The following GSG1L variants were observed in gnomAD, a reference collection of about 807,000 sequenced individuals.
GSG1L encodes the protein GSG1 like.
In GSG1L, 24 loss-of-function variants were observed where a neutral mutation model predicts 42.1. The observed-to-expected ratio is 0.57, with a 90% CI of 0.41 to 0.80. The LOEUF is 0.80. Among genes scored for constraint, GSG1L ranks in the 30% least tolerant of loss-of-function variants. GSG1L has a pLI of 0.00. For synonymous variants in GSG1L, 215 were observed against 203.5 expected (o/e 1.06, Z -0.48); for missense variants, 445 against 472.2 (o/e 0.94, Z 0.53).
rs183457638 is a variant in GSG1L at position 27,859,523 on chromosome 16, C to T, written c.551-14462G>A. ...GGCAGAGAGGGCAGGGCCCTGGCAG[C>T]CCAGGGCATCTCATGCGTCTCACTG... On this transcript the variant is annotated intron_variant, in intron 3 of 6. Transcript: ENST00000447459. Among the ~76,000 whole-genome samples, 3 of 152,334 alleles carry T rather than the reference C, an allele frequency of 2.0e-5. No homozygotes were observed. In the East Asian group the frequency reaches 5.8e-4, roughly 29 times the overall value.
intron 3 of GSG1L, among the ~76,000 whole-genome samples, chr16:27,853,356 C>T (rs937833867): frequency 3.3e-5 from 5 of 152,110 alleles, no homozygotes; most frequent in African/African-American, 9.7e-5. Context: ...TTTTAGACAC[C>T]CTCTTGAGAA....
At chr16:28,006,031 AGAGG>A (rs2085633354) in intron 1 of GSG1L, among the ~76,000 whole-genome samples, 1 of 152,180 alleles carries the variant, frequency 6.6e-6, no homozygotes, top group Non-Finnish European at 1.5e-5. Flanking sequence ...CTGCAGGAAG[AGAGG>A]GAGAAGCCAG....
chr16:27,989,960 G>A (rs958847756), intron 1 of GSG1L, among the ~76,000 whole-genome samples: 2 of 151,998 alleles, frequency 1.3e-5, no homozygotes, highest in African/African-American at 4.8e-5. Context: ...TGGTGTCTTC[G>A]AGGAAATTCA....
chr16:27,856,909 C>A (rs1389684765), intron 3 of GSG1L, among the ~76,000 whole-genome samples: 2 of 152,112 alleles, frequency 1.3e-5, no homozygotes, highest in Admixed American at 1.3e-4. Flanking sequence ...CTAAAAGTGT[C>A]CCTGACAGGC....
At chr16:27,921,392 T>G (rs2084522297) in intron 2 of GSG1L, among the ~76,000 whole-genome samples, 1 of 152,312 alleles carries the variant, frequency 6.6e-6, no homozygotes, top group African/African-American at 2.4e-5. Flanking sequence ...TTGGTGCCGG[T>G]GTGTTGTTAA....
At chr16:27,877,036 G>A (rs1295249335) in intron 3 of GSG1L, among the ~76,000 whole-genome samples, 1 of 152,092 alleles carries the variant, frequency 6.6e-6, no homozygotes, top group African/African-American at 2.4e-5. Flanking sequence ...TTTTTCCTTA[G>A]TGGATCAGCC....
Position 27,790,088 on chromosome 16 carries a change from TGGAA to T in GSG1L, c.*1278_*1281del, listed in dbSNP as rs2082735590. On this transcript the variant is annotated 3_prime_UTR_variant, in exon 7 of 7. Coordinates refer to ENST00000447459, the MANE Select transcript of GSG1L (RefSeq NM_001109763.2). ...GATGAATGGATAGATGATGGATGGA[TGGAA>T]GGATGGATGAATGAATGAATGATGG... The T allele has an allele frequency of 6.6e-6, 1 of 150,986 alleles. No homozygotes were observed. Among genetic ancestry groups the T allele is most frequent in the Non-Finnish European group, 1.5e-5 (1 of 67,720 alleles). 9.4% of individuals were successfully genotyped at this position (150,986 alleles called of 1,614,324 possible). A position where few individuals can be genotyped will look rare whatever the true frequency, so the allele number is the denominator to read the frequency against.
chr16:27,820,293 T>C (rs1221379978), intron 5 of GSG1L, among the ~76,000 whole-genome samples: 3 of 151,972 alleles, frequency 2.0e-5, no homozygotes, highest in African/African-American at 7.3e-5. Context: ...CTGCACATCA[T>C]AGAAGGGAAG....
At chr16:27,802,379 C>A (rs2082892740) in intron 6 of GSG1L, among the ~76,000 whole-genome samples, 1 of 152,158 alleles carries the variant, frequency 6.6e-6, no homozygotes, top group African/African-American at 2.4e-5. Context: ...TCAGCTCTGA[C>A]CACAGAGGGG....
At chr16:28,028,995 C>T (rs1181242056) in intron 1 of GSG1L, among the ~76,000 whole-genome samples, 4 of 152,148 alleles carry the variant, frequency 2.6e-5, no homozygotes, top group Non-Finnish European at 5.9e-5. Context: ...GGGCACCAGG[C>T]GACCCACATC....
At chr16:27,947,433 G>GA (rs1456794884) in intron 2 of GSG1L, among the ~76,000 whole-genome samples, 6 of 84,446 alleles carry the variant, frequency 7.1e-5, no homozygotes, top group African/African-American at 2.0e-4. Flanking sequence ...AGAAAGAGAA[G>GA]GAAGGAAGGA....
At chr16:28,058,115 C>T (rs1019672772) in intron 1 of GSG1L, among the ~76,000 whole-genome samples, 1 of 152,136 alleles carries the variant, frequency 6.6e-6, no homozygotes, top group Non-Finnish European at 1.5e-5. Context: ...ACAAAGGGAG[C>T]CTGAGTGAGC....
intron 1 of GSG1L, among the ~76,000 whole-genome samples, chr16:28,012,069 C>A (rs1281238763): frequency 6.6e-6 from 1 of 152,048 alleles, no homozygotes; most frequent in African/African-American, 2.4e-5. Context: ...CTCCCTGACA[C>A]CCCCAAGCAG....
intron 1 of GSG1L, among the ~76,000 whole-genome samples, chr16:27,973,560 T>C (rs79402207): frequency 6.7e-5 from 10 of 150,306 alleles, no homozygotes; most frequent in Non-Finnish European, 8.9e-5. Flanking sequence ...TGCAGCCTAA[T>C]TGGGGGAAAC....
At chr16:27,919,245 C>T (rs1171348475) in intron 2 of GSG1L, among the ~76,000 whole-genome samples, 1 of 152,172 alleles carries the variant, frequency 6.6e-6, no homozygotes, top group African/African-American at 2.4e-5. Flanking sequence ...AAGAAGGTTC[C>T]AGGGCATGGG....
intron 1 of GSG1L, among the ~76,000 whole-genome samples, chr16:28,007,070 AGAGACT>A (rs2085648904): frequency 6.6e-6 from 1 of 152,212 alleles, no homozygotes. Context: ...CCTGACTGTC[AGAGACT>A]GAGTAATGCC....
intron 2 of GSG1L, among the ~76,000 whole-genome samples, chr16:27,929,791 A>G (rs982853981): frequency 5.9e-5 from 9 of 151,962 alleles, no homozygotes; most frequent in African/African-American, 1.9e-4. Flanking sequence ...GCTAGATTCC[A>G]CTCCACATAC....
chr16:27,830,516 A>C (rs705927), intron 4 of GSG1L, among the ~76,000 whole-genome samples: 94,044 of 152,020 alleles, frequency 0.62, 30,108 homozygotes, highest in African/African-American at 0.78. Flanking sequence ...CCCTTAACAC[A>C]AAACCCATTG....
chr16:27,833,713 T>C (rs548238267), intron 4 of GSG1L, among the ~76,000 whole-genome samples: 2 of 152,248 alleles, frequency 1.3e-5, no homozygotes, highest in South Asian at 4.2e-4. Flanking sequence ...GTATAAATGA[T>C]ATATATTTTT....
Sources: gnomAD v4.1 joint callset for allele counts (sites outside exome capture counted in the v4.1 genomes callset) on GRCh38, gnomAD v4.1.1 for gene constraint, MANE v1.5 for transcripts, NCBI Gene and HGNC (gene_info 2026-07-23, HGNC 2026-07-21) for gene names.